FCER2: variants seen among roughly 807,000 people sequenced by gnomAD.
FCER2 encodes the protein Fc epsilon receptor II.
In FCER2, 38 loss-of-function variants were observed where a neutral mutation model predicts 49.7. That is an observed-to-expected ratio of 0.76 (90% CI 0.59 to 1.00). The LOEUF (loss-of-function observed/expected upper bound fraction) is 1.00, where lower values mean the gene tolerates loss of function less well. Among genes scored for constraint, FCER2 ranks in the 50% least tolerant of loss-of-function variants. FCER2 has a pLI of 0.00. For missense variants in FCER2, 425 were observed against 419.5 expected, an observed-to-expected ratio of 1.01 and a Z score of -0.11; for synonymous variants, 163 against 164.6, an observed-to-expected ratio of 0.99 and a Z score of 0.07.
intron 8 of FCER2, among the ~76,000 whole-genome samples, chr19:7,695,445 T>C (rs1275447224): frequency 6.6e-6 from 1 of 152,074 alleles, no homozygotes; most frequent in Non-Finnish European, 1.5e-5. Flanking sequence ...AAAAAAATTG[T>C]AGGAGTCTCC....
At chr19:7,695,370 G>T (rs2032983679) in intron 8 of FCER2, among the ~76,000 whole-genome samples, 1 of 152,178 alleles carries the variant, frequency 6.6e-6, no homozygotes, top group Non-Finnish European at 1.5e-5. Context: ...GCCACATCAG[G>T]CAGAGGACAC....
At chr19:7,694,303 C>T (rs1346092026) in intron 8 of FCER2, among the ~76,000 whole-genome samples, 2 of 152,030 alleles carry the variant, frequency 1.3e-5, no homozygotes, top group African/African-American at 4.8e-5. Context: ...AGTTTGAGGC[C>T]GTAGTGAGCC....
At chr19:7,697,485 C>T in intron 5 of FCER2, 42 bp downstream of exon 5, 1 of 1,568,372 alleles carries the variant, frequency 6.4e-7, no homozygotes, top group East Asian at 2.2e-5. Flanking sequence ...CCAAGACCCC[C>T]TCGCTTTTTC....
chr19:7,698,300 G>C, intron 4 of FCER2, 56 bp downstream of exon 4: 1 of 1,227,432 alleles, frequency 8.1e-7, no homozygotes, highest in Non-Finnish European at 1.2e-6. Context: ...GGAGCGGGAT[G>C]AGTGCTGGGC....
chr19:7,694,503 G>T (rs2032964805), intron 8 of FCER2, among the ~76,000 whole-genome samples: 1 of 152,232 alleles, frequency 6.6e-6, no homozygotes, highest in Non-Finnish European at 1.5e-5. Flanking sequence ...CTCAGAGCCA[G>T]GCTCAGATCC....
chr19:7,700,165 G>C (rs1022885137), intron 1 of FCER2: 16 of 186,908 alleles, frequency 8.6e-5, no homozygotes, highest in Non-Finnish European at 1.1e-5. Flanking sequence ...CACCTATACT[G>C]TTGGTTGGTG....
Position 7,688,799 on chromosome 19 carries a change from T to G in FCER2, c.*394A>C. 1 of 186,830 alleles carries G rather than the reference T, an allele frequency of 5.4e-6. No individual in the cohort carries two copies. Among genetic ancestry groups the G allele is most frequent in the Non-Finnish European group, 1.1e-5 (1 of 91,348 alleles). 11.6% of individuals were successfully genotyped at this position (186,830 alleles called of 1,614,324 possible). A position where few individuals can be genotyped will look rare whatever the true frequency, so the allele number is the denominator to read the frequency against. On this transcript the variant is annotated 3_prime_UTR_variant, in exon 11 of 11. Transcript: ENST00000597921. ...TGTGGGAGGCCATCACTGCCCCATTTTATTGATGCAGGCTGGACAGGAGGA... is the reference window on the plus strand; with the variant it reads ...TGTGGGAGGCCATCACTGCCCCATTGTATTGATGCAGGCTGGACAGGAGGA...
chr19:7,690,502 G>T lies in FCER2; in HGVS notation c.525C>A (p.Tyr175Ter), dbSNP rs377575240. The part of the protein sequence containing the change: ...EKWINFQRKC[Y>*]YFGKGTKQWV... The stretch of plus-strand genomic sequence containing the variant: ...ACTGCTTGGTGCCCTTGCCGAAGTA[G>T]TAGCACTTCCGTTGGAAATTGATCC... The change falls in exon 9 of 11, where the codon TAC (tyrosine) becomes TAA (stop). Residue 175 changes from tyrosine (Y) to a stop codon, truncating the protein, a stop_gained. Transcript: ENST00000597921. LOFTEE classifies it high-confidence loss of function. The T allele has an allele frequency of 8.1e-6, 13 of 1,614,016 alleles. No individual in the cohort carries two copies. The highest frequency in any genetic ancestry group is 8.5e-6 in the Non-Finnish European group (10 of 1,180,000).
In FCER2 at chr19:7,699,773, T is replaced by C; in HGVS notation, c.-13A>G. On this transcript the variant is annotated 5_prime_UTR_variant, in exon 2 of 11. Coordinates refer to ENST00000597921, the MANE Select transcript of FCER2 (RefSeq NM_001220500.2). ...GACCTTCCTCCATGGCGGTCCTGCT[T>C]GGATTCTCCCGATGATGGAGCACTC... The C allele has an allele frequency of 6.2e-7, 1 of 1,613,734 alleles. No homozygotes were observed.
chr19:7,699,817 C>T lies in FCER2; in HGVS notation c.-57G>A, dbSNP rs897993363. 2 of 1,556,752 alleles carry T rather than the reference C, an allele frequency of 1.3e-6. No individual in the cohort carries two copies. Among genetic ancestry groups the T allele is most frequent in the African/African-American group, 2.7e-5 (2 of 73,778 alleles). ...AGCACTCACTCCCTGACAACGCAGT[C>T]CACTCAGCGGGCACAATCACAGCTC... On this transcript the variant is annotated 5_prime_UTR_variant, in exon 2 of 11. Coordinates refer to ENST00000597921, the MANE Select transcript of FCER2 (RefSeq NM_001220500.2).
chr19:7,696,483 G>A (rs189541055), intron 8 of FCER2, among the ~76,000 whole-genome samples: 7 of 152,182 alleles, frequency 4.6e-5, no homozygotes, highest in African/African-American at 1.4e-4. Flanking sequence ...TGATCCACCC[G>A]CCTCGGCCTC....
intron 1 of FCER2, 69 bp from the exon 2 acceptor site, chr19:7,699,914 G>C (rs2033117617): frequency 1.4e-6 from 1 of 721,574 alleles, no homozygotes; most frequent in Non-Finnish European, 2.4e-6. Flanking sequence ...GATAGCATCT[G>C]GGACTTGGTG....
In FCER2 at chr19:7,697,050, G is replaced by A. The variant is rs140629973; in HGVS notation, c.342C>T (p.Asn114=). Residue 114 remains asparagine, a synonymous_variant, in exon 7 of 11, where the codon AAC becomes AAT. Transcript: ENST00000597921. ...SQDLELSWNL[N]GLQADLSSFK... Reference sequence around the variant, plus strand: ...AGCTGCTCAGATCTGCTTGAAGCCCGTTCAGGTTCCAGGACAGCTCCAAGT... The same window carrying A: ...AGCTGCTCAGATCTGCTTGAAGCCCATTCAGGTTCCAGGACAGCTCCAAGT... The A allele has an allele frequency of 7.5e-5, 121 of 1,610,804 alleles. No individual in the cohort carries two copies. Among genetic ancestry groups the A allele is most frequent in the African/African-American group, 4.3e-4 (32 of 74,810 alleles).
At chr19:7,698,286 G>T in intron 4 of FCER2, 70 bp downstream of exon 4, 2 of 1,125,322 alleles carry the variant, frequency 1.8e-6, no homozygotes, top group Non-Finnish European at 2.6e-6. Context: ...CTGAGGCCCA[G>T]AGAGGAGCGG....
rs1400063852 is a variant in FCER2 at position 7,690,507 on chromosome 19, A to T, written c.520T>A (p.Cys174Ser). Residue 174 changes from cysteine (C) to serine (S), a missense_variant, in exon 9 of 11, where the codon TGC (cysteine) becomes AGC (serine). Cys to Ser is a moderately radical substitution (Grantham distance 112). Coordinates refer to ENST00000597921, the MANE Select transcript of FCER2 (RefSeq NM_001220500.2). Reference sequence around the variant, plus strand: ...TTGGTGCCCTTGCCGAAGTAGTAGCACTTCCGTTGGAAATTGATCCACTTT... The same window carrying T: ...TTGGTGCCCTTGCCGAAGTAGTAGCTCTTCCGTTGGAAATTGATCCACTTT... ...PEKWINFQRKCYYFGKGTKQW... is the reference protein window; with the variant it reads ...PEKWINFQRKSYYFGKGTKQW... 1.9e-6 allele frequency: 3 copies of T among 1,614,072 alleles called. No individual in the cohort carries two copies. The highest frequency in any genetic ancestry group is 1.7e-5 in the Admixed American group (1 of 60,006).
intron 6 of FCER2, 68 bp from the exon 7 acceptor site, chr19:7,697,143 C>T (rs2033037261): frequency 6.2e-7 from 1 of 1,606,656 alleles, no homozygotes; most frequent in Non-Finnish European, 8.5e-7. Context: ...GCCCCCCAAG[C>T]CTGGCCCCCC....
At chr19:7,696,982 C>T in intron 7 of FCER2, 31 bp downstream of exon 7, 2 of 1,565,244 alleles carry the variant, frequency 1.3e-6, no homozygotes, top group Non-Finnish European at 8.7e-7. Flanking sequence ...CCGTTCCCTC[C>T]CCCACTGCCC....
chr19:7,696,694 G>A (rs921209449), intron 8 of FCER2, 131 bp downstream of exon 8: 3 of 677,306 alleles, frequency 4.4e-6, no homozygotes, highest in African/African-American at 3.6e-5. Context: ...GTGTCCTCCC[G>A]ATGACACTCG....
At position 7,698,352 on chromosome 19, in the gene FCER2, A is replaced by G; in HGVS notation, c.190+4T>C. The G allele has an allele frequency of 2.5e-6, 4 of 1,607,430 alleles. No homozygotes were observed. Among genetic ancestry groups the G allele is most frequent in the Non-Finnish European group, 3.4e-6 (4 of 1,175,526 alleles). ...CCACCCCCTCCACCTTGACCCCTTC[A>G]TACCGTTCCGGGCAGCCCTCTCTTC... On this transcript the variant is annotated splice_donor_region_variant and intron_variant, in intron 4 of 10. Coordinates refer to ENST00000597921, the MANE Select transcript of FCER2 (RefSeq NM_001220500.2).
Sources: allele counts gnomAD v4.1 joint callset (sites outside exome capture counted in the v4.1 genomes callset), GRCh38; gene constraint gnomAD v4.1.1; transcripts MANE v1.5; gene names NCBI Gene and HGNC (gene_info 2026-07-23, HGNC 2026-07-21).